Variants in DDB1 observed in about 807,000 individuals in gnomAD.
DDB1 encodes the protein damage specific DNA binding protein 1, also known as DNA damage-binding protein 1.
In DDB1, 18 loss-of-function variants were observed where a neutral mutation model predicts 133.1. The ratio of observed to expected loss-of-function variants is 0.14; its 90% CI spans 0.09 to 0.20. The LOEUF is 0.20. Among genes scored for constraint, DDB1 ranks in the 10% least tolerant of loss-of-function variants. The probability of loss-of-function intolerance (pLI) is 1.00; values close to 1 mark genes in which losing one functional copy is unlikely to be tolerated. For synonymous variants in DDB1, 580 were observed against 550.5 expected (o/e 1.05, Z -0.75); for missense variants, 828 against 1,459.2 (o/e 0.57, Z 7.05).
Position 61,322,429 on chromosome 11 carries a change from A to C in DDB1, c.1006-17T>G, listed in dbSNP as rs768581508. ...AACGTTGAGCTAATAAGAAAGAACA[A>C]TGTTATGTTAGTCCTAGAACACCCT... is the stretch of plus-strand genomic sequence containing the variant. On this transcript the variant is annotated splice_polypyrimidine_tract_variant and intron_variant, in intron 8 of 26. Transcript: ENST00000301764. 3.1e-6 allele frequency: 5 copies of C among 1,595,278 alleles called. No individual in the cohort carries two copies. Among genetic ancestry groups the C allele is most frequent in the Non-Finnish European group, 4.3e-6 (5 of 1,162,770 alleles).
chr11:61,319,500 C>T (rs573515576), intron 10 of DDB1, among the ~76,000 whole-genome samples: 157 of 151,744 alleles, frequency 1.0e-3, no homozygotes, highest in Non-Finnish European at 2.4e-4. Flanking sequence ...GGCACGATCT[C>T]GGCTCACTGC....
At chr11:61,320,750 T>C (rs1856164998) in intron 10 of DDB1, among the ~76,000 whole-genome samples, 1 of 152,240 alleles carries the variant, frequency 6.6e-6, no homozygotes, top group South Asian at 2.1e-4. Context: ...TTTTGTTTTA[T>C]GATTTAATCT....
intron 25 of DDB1, chr11:61,301,870 C>T: frequency 6.1e-6 from 1 of 164,754 alleles, no homozygotes; most frequent in Admixed American, 5.9e-5. Context: ...TTCACCTTTC[C>T]CTTTCTTCTG....
At chr11:61,327,976 C>T (rs1475990701) in intron 4 of DDB1, among the ~76,000 whole-genome samples, 1 of 152,124 alleles carries the variant, frequency 6.6e-6, no homozygotes, top group East Asian at 1.9e-4. Flanking sequence ...AAACATTTTC[C>T]CATCAATGAG....
At position 61,314,062 on chromosome 11, in the gene DDB1, C is replaced by A. The variant is rs1590688083; in HGVS notation, c.1738G>T (p.Glu580Ter). ...TGACACATACCTCCACCCAGCATCT[C>A]CTTGTGCAGTAGTTCAAAAGAGGGC... ...KLPSFELLHK[E>*]MLGGEIIPRS... Residue 580 changes from glutamate (E) to a stop codon, truncating the protein, a stop_gained, in exon 14 of 27, where the codon GAG (glutamate) becomes TAG (stop). Coordinates refer to ENST00000301764, the MANE Select transcript of DDB1 (RefSeq NM_001923.5). LOFTEE classifies it high-confidence loss of function. 6.2e-7 allele frequency: 1 copy of A among 1,613,942 alleles called. No homozygotes were observed. The highest frequency in any genetic ancestry group is 1.7e-5 in the Admixed American group (1 of 59,988).
rs1565238365 is a variant in DDB1, at chr11:61,302,983, A to G, written c.2942+63T>C. The G allele has an allele frequency of 4.1e-6, 6 of 1,470,366 alleles. 1 individual carries two copies. The highest frequency in any genetic ancestry group is 2.3e-5 in the East Asian group (1 of 44,128). 91.1% of individuals were successfully genotyped at this position (1,470,366 alleles called of 1,614,324 possible). A position where few individuals can be genotyped will look rare whatever the true frequency, so the allele number is the denominator to read the frequency against. ...ACCTGACACAGAACCCAATGCTTGC[A>G]TCCACCAGAGACCAAGGAACTCCCA... On this transcript the variant is annotated intron_variant, in intron 23 of 26. Coordinates refer to ENST00000301764, the MANE Select transcript of DDB1 (RefSeq NM_001923.5).
rs1242541717 is a variant in DDB1, at chr11:61,332,930, G to A, written c.39C>T (p.Thr13=). 4.0e-6 allele frequency: 6 copies of A among 1,511,932 alleles called. No homozygotes were observed. In the African/African-American group the frequency reaches 4.3e-5, roughly 11 times the overall value. 93.7% of individuals were successfully genotyped at this position (1,511,932 alleles called of 1,614,324 possible). ...YNYVVTAQKP[T]AVNGCVTGHF... ...CACCGGTCACGCAGCCGTTCACGGC[G>A]GTGGGCTTCTGGGCCGTTACCACGT... Residue 13 remains threonine, a synonymous_variant, in exon 1 of 27, where the codon ACC becomes ACT. Transcript: ENST00000301764.
chr11:61,323,911 G>T, intron 7 of DDB1, 68 bp downstream of exon 7: 1 of 1,547,736 alleles, frequency 6.5e-7, no homozygotes. Flanking sequence ...TGAGGTGTGG[G>T]ACCACACATT....
At chr11:61,323,497 G>T in intron 7 of DDB1, 1 of 246,278 alleles carries the variant, frequency 4.1e-6, no homozygotes, top group Non-Finnish European at 8.0e-6. Context: ...CTGCAACATC[G>T]ACCTCCCCGG....
rs111885835 is a variant in DDB1 at position 61,311,321 on chromosome 11, C to CACATA, written c.2277+458_2277+462dup. 2.6e-3 allele frequency: 332 copies of CACATA among 128,490 alleles called. 1 individual carries two copies. Among genetic ancestry groups the CACATA allele is most frequent in the African/African-American group, 0.013 (302 of 23,308 alleles). The allele number at this position is 128,490 out of a possible 1,614,324, so 8.0% of individuals were successfully genotyped here. A position where few individuals can be genotyped will look rare whatever the true frequency, so the allele number is the denominator to read the frequency against. On this transcript the variant is annotated intron_variant, in intron 18 of 26. Coordinates refer to ENST00000301764, the MANE Select transcript of DDB1 (RefSeq NM_001923.5). ...CATAACATAACATAACATAACATAA[C>CACATA]ACATAACATAACATAACATAACAAA...
intron 3 of DDB1, 23 bp downstream of exon 3, chr11:61,329,935 T>G: frequency 1.3e-6 from 2 of 1,586,466 alleles, no homozygotes; most frequent in Non-Finnish European, 1.7e-6. Context: ...AAAACTTTCA[T>G]TGGCCTAAAG....
At chr11:61,330,422 GAAGA>G (rs904132934) in intron 2 of DDB1, among the ~76,000 whole-genome samples, 3 of 22,496 alleles carry the variant, frequency 1.3e-4, no homozygotes, top group African/African-American at 1.6e-4. Context: ...CCAAGTATTT[GAAGA>G]AAGAGGAAAA....
chr11:61,304,730 T>C (rs1855857140), intron 21 of DDB1, among the ~76,000 whole-genome samples: 1 of 151,210 alleles, frequency 6.6e-6, no homozygotes. Flanking sequence ...AAAAAAAAAT[T>C]AGCCAAGCGT....
At chr11:61,324,479 A>G (rs1490921749) in intron 6 of DDB1, 3 of 218,498 alleles carry the variant, frequency 1.4e-5, no homozygotes, top group Non-Finnish European at 1.9e-5. Context: ...TTTATTCTTA[A>G]TACCACTAAT....
At position 61,310,423 on chromosome 11, in the gene DDB1, A is replaced by C; in HGVS notation, c.2278-5T>G. 1 of 1,593,914 alleles carries C rather than the reference A, an allele frequency of 6.3e-7. No homozygotes were observed. The highest frequency in any genetic ancestry group is 8.5e-7 in the Non-Finnish European group (1 of 1,172,032). The stretch of plus-strand genomic sequence containing the variant: ...GCTTACACTGCTGGACAGAGCCTGC[A>C]AACAGAGAGAATGCACATCATCCTT... On this transcript the variant is annotated splice_region_variant and splice_polypyrimidine_tract_variant and intron_variant, in intron 18 of 26. Transcript: ENST00000301764.
intron 24 of DDB1, 31 bp downstream of exon 24, chr11:61,302,551 G>A (rs1475842131): frequency 6.2e-7 from 1 of 1,612,784 alleles, no homozygotes; most frequent in East Asian, 2.2e-5. Context: ...GGAGGCCTGT[G>A]TGGGGGTGTG....
At chr11:61,332,473 T>A (rs1364298878) in intron 1 of DDB1, 1 of 159,392 alleles carries the variant, frequency 6.3e-6, no homozygotes, top group East Asian at 1.8e-4. Context: ...CCTCTCCCTC[T>A]GTGGGATAAT....
chr11:61,313,749 G>A (rs770162209), intron 15 of DDB1, 43 bp from the exon 16 acceptor site: 2 of 1,579,970 alleles, frequency 1.3e-6, no homozygotes, highest in Non-Finnish European at 8.6e-7. Context: ...AAAGAAAACA[G>A]GACAAAAAGC....
In DDB1 at chr11:61,329,438, G is replaced by A; in HGVS notation, c.474C>T (p.Arg158=). The A allele has an allele frequency of 6.2e-7, 1 of 1,614,120 alleles. No homozygotes were observed. The highest frequency in any genetic ancestry group is 2.2e-5 in the East Asian group (1 of 44,882). Residue 158 remains arginine (R), a synonymous_variant, in exon 4 of 27, where the codon CGC becomes CGT. Transcript: ENST00000301764. ...DNKELKAFNI[R]LEELHVIDVK... ...CATCAATGACATGCAGCTCCTCCAG[G>A]CGGATGTTGAAGGCCTTGAGTTCTT...
Sources: allele counts gnomAD v4.1 joint callset (sites outside exome capture counted in the v4.1 genomes callset), GRCh38; gene constraint gnomAD v4.1.1; transcripts MANE v1.5; gene names NCBI Gene and HGNC (gene_info 2026-07-23, HGNC 2026-07-21).